The following FBLN7 variants were observed in gnomAD, a reference collection of about 807,000 sequenced individuals.
The protein encoded by FBLN7 is fibulin 7, also known as fibulin-7.
FBLN7 carries 31 observed loss-of-function variants against 44.0 expected under a neutral mutation model. That is an observed-to-expected ratio of 0.70 (90% confidence interval 0.53 to 0.95). FBLN7 has a LOEUF of 0.95. FBLN7 is among the 40% of genes least tolerant of loss of function. The pLI, the probability that FBLN7 is intolerant of heterozygous loss-of-function variation, is 0.00. For missense variants in FBLN7, 573 were observed against 618.5 expected (o/e 0.93, Z 0.78); for synonymous variants, 262 against 253.4 (o/e 1.03, Z -0.32).
intron 1 of FBLN7, among the ~76,000 whole-genome samples, chr2:112,156,053 C>T (rs1285286728): frequency 1.3e-5 from 2 of 152,200 alleles, no homozygotes; most frequent in Non-Finnish European, 2.9e-5. Flanking sequence ...GGCAGCTGTT[C>T]GCCTGGCTGG....
chr2:112,213,408 A>G, the FBLN7 span: 2 of 152,222 alleles, frequency 1.3e-5, no homozygotes, highest in African/African-American at 4.8e-5. Context: ...CTGAATTCCT[A>G]AAGTTCTACA....
At chr2:112,148,203 A>C (rs1475607142) in intron 1 of FBLN7, among the ~76,000 whole-genome samples, 1 of 152,130 alleles carries the variant, frequency 6.6e-6, no homozygotes, top group Non-Finnish European at 1.5e-5. Context: ...ATTCGGATTG[A>C]TTGCCTGGGA....
At chr2:112,146,385 T>C (rs1680899179) in intron 1 of FBLN7, among the ~76,000 whole-genome samples, 1 of 152,212 alleles carries the variant, frequency 6.6e-6, no homozygotes, top group Non-Finnish European at 1.5e-5. Context: ...GCATTAAATC[T>C]ATAGATCAAT....
At chr2:112,225,689 T>C in the FBLN7 span, among the ~76,000 whole-genome samples, 1 of 151,900 alleles carries the variant, frequency 6.6e-6, no homozygotes, top group African/African-American at 2.4e-5. Context: ...TGGTGGTAAG[T>C]GCTTGTAGTC....
At chr2:112,221,038 T>C in the FBLN7 span, among the ~76,000 whole-genome samples, 1 of 152,238 alleles carries the variant, frequency 6.6e-6, no homozygotes, top group Non-Finnish European at 1.5e-5. Context: ...GACAATATCC[T>C]GAAATATGTT....
At chr2:112,161,170 T>TG (rs1215925853) in intron 2 of FBLN7, among the ~76,000 whole-genome samples, 2 of 152,134 alleles carry the variant, frequency 1.3e-5, no homozygotes, top group Non-Finnish European at 2.9e-5. Flanking sequence ...CTTAGGGTGC[T>TG]GGGGGACAGG....
the FBLN7 span, among the ~76,000 whole-genome samples, chr2:112,210,120 G>A: frequency 2.7e-5 from 4 of 147,208 alleles, no homozygotes; most frequent in African/African-American, 5.0e-5. Context: ...TCTGACATGA[G>A]GTGTTGGAGC....
At chr2:112,195,244 T>C in the FBLN7 span, among the ~76,000 whole-genome samples, 1 of 152,340 alleles carries the variant, frequency 6.6e-6, no homozygotes, top group Non-Finnish European at 1.5e-5. Flanking sequence ...AATTAGATCG[T>C]AGCAATCTAG....
chr2:112,181,511 G>C (rs1191641817), intron 4 of FBLN7, among the ~76,000 whole-genome samples: 1 of 152,154 alleles, frequency 6.6e-6, no homozygotes, highest in African/African-American at 2.4e-5. Context: ...GCATTTTCCT[G>C]CACCATTCTA....
chr2:112,157,493 A>G (rs1681490696), intron 1 of FBLN7, among the ~76,000 whole-genome samples: 1 of 152,156 alleles, frequency 6.6e-6, no homozygotes, highest in Admixed American at 6.5e-5. Context: ...GTGCTGTTGT[A>G]ACACACAGCC....
intron 1 of FBLN7, among the ~76,000 whole-genome samples, chr2:112,146,347 A>C (rs1361678118): frequency 6.6e-6 from 1 of 152,222 alleles, no homozygotes; most frequent in Non-Finnish European, 1.5e-5. Flanking sequence ...AACAGCAACC[A>C]GAAACTACTG....
Position 112,181,641 on chromosome 2 carries a change from C to T in FBLN7, c.533-98C>T, listed in dbSNP as rs1034715585. The T allele has an allele frequency of 1.2e-5, 15 of 1,297,664 alleles. No homozygotes were observed. In the African/African-American group the frequency reaches 2.2e-4, roughly 19 times the overall value. 80.4% of individuals were successfully genotyped at this position (1,297,664 alleles called of 1,614,324 possible). On this transcript the variant is annotated intron_variant, in intron 4 of 7. Coordinates refer to ENST00000331203, the MANE Select transcript of FBLN7 (RefSeq NM_153214.3). ...CCAGAGTAAGCCCTTTGAGAAGGGG[C>T]CGTGCCTCCGTCTTGGTTCTGCTCC...
the FBLN7 span, among the ~76,000 whole-genome samples, chr2:112,230,094 C>T: frequency 1.3e-5 from 2 of 152,240 alleles, no homozygotes; most frequent in East Asian, 3.9e-4. Flanking sequence ...CATTAACAGG[C>T]ATTTCACCAA....
chr2:112,226,029 T>C, the FBLN7 span, among the ~76,000 whole-genome samples: 4 of 145,676 alleles, frequency 2.7e-5, no homozygotes, highest in East Asian at 2.1e-4. Flanking sequence ...TTGCAGTGAG[T>C]TGAGATTATG....
At chr2:112,219,984 T>G in the FBLN7 span, among the ~76,000 whole-genome samples, 2 of 152,262 alleles carry the variant, frequency 1.3e-5, no homozygotes, top group African/African-American at 4.8e-5. Context: ...TGTCTTTTTA[T>G]GTTTTCCATT....
the FBLN7 span, among the ~76,000 whole-genome samples, chr2:112,197,761 C>T: frequency 6.6e-6 from 1 of 152,182 alleles, no homozygotes; most frequent in Admixed American, 6.5e-5. Context: ...ATTAGTGTAA[C>T]TGCAGCTAAA....
chr2:112,194,179 A>G, the FBLN7 span, among the ~76,000 whole-genome samples: 4 of 152,174 alleles, frequency 2.6e-5, no homozygotes. Context: ...TAACTGGAAC[A>G]TCTACCCTTG....
At chr2:112,163,623 C>T (rs1473459602) in intron 2 of FBLN7, among the ~76,000 whole-genome samples, 2 of 152,194 alleles carry the variant, frequency 1.3e-5, no homozygotes, top group Non-Finnish European at 2.9e-5. Flanking sequence ...GGATTCGAAC[C>T]ATGTCCCTCA....
intron 3 of FBLN7, among the ~76,000 whole-genome samples, chr2:112,169,364 A>T (rs543842249): frequency 1.3e-5 from 2 of 152,206 alleles, no homozygotes; most frequent in Non-Finnish European, 2.9e-5. Flanking sequence ...GAAAGCAGCC[A>T]CTTGGCTTTC....
Sources: gnomAD v4.1 joint callset for allele counts (sites outside exome capture counted in the v4.1 genomes callset) on GRCh38, gnomAD v4.1.1 for gene constraint, MANE v1.5 for transcripts, NCBI Gene and HGNC (gene_info 2026-07-23, HGNC 2026-07-21) for gene names.